Variants in PKD1L1 observed in about 807,000 individuals in gnomAD.
PKD1L1 encodes the protein polycystin-1-like protein 1.
PKD1L1 carries 236 observed loss-of-function variants against 323.4 expected under a neutral mutation model. The observed-to-expected ratio is 0.73, with a 90% CI of 0.66 to 0.81. PKD1L1 has a LOEUF of 0.81. PKD1L1 is among the 40% of genes least tolerant of loss of function. PKD1L1 has a pLI of 0.00. For synonymous variants in PKD1L1, 1,344 were observed against 1,335.0 expected, an observed-to-expected ratio of 1.01 and a Z score of -0.15; for missense variants, 3,320 against 3,508.0, an observed-to-expected ratio of 0.95 and a Z score of 1.35.
upstream of PKD1L1, among the ~76,000 whole-genome samples, chr7:47,949,145 C>T (rs943919755): frequency 4.6e-5 from 7 of 150,828 alleles, no homozygotes; most frequent in Admixed American, 1.3e-4. Context: ...TCGAGGTGGG[C>T]GGATCACGAG....
In PKD1L1 at chr7:47,837,065, C is replaced by T. The variant is rs1785474405; in HGVS notation, c.5799G>A (p.Leu1933=). 1 of 1,614,188 alleles carries T rather than the reference C, an allele frequency of 6.2e-7. No homozygotes were observed. The change falls in exon 37 of 57, where the codon CTG becomes CTA. Residue 1933 remains leucine (L), a synonymous_variant. Coordinates refer to ENST00000289672, the MANE Select transcript of PKD1L1 (RefSeq NM_138295.5). Reference sequence around the variant, plus strand: ...CCGACAGCCAGACATGGAAATCCTCCAGGTACTCTGTGAACTTGCAATAGA... The same window carrying T: ...CCGACAGCCAGACATGGAAATCCTCTAGGTACTCTGTGAACTTGCAATAGA... ...KLFYCKFTEY[L]EDFHVWLSVY... is the part of the protein sequence containing the mutation.
At chr7:47,955,662 C>T in the PKD1L1 span, among the ~76,000 whole-genome samples, 1 of 152,130 alleles carries the variant, frequency 6.6e-6, no homozygotes, top group Non-Finnish European at 1.5e-5. Flanking sequence ...TAGAATATTT[C>T]GTGTTTTTCC....
Position 47,931,970 on chromosome 7 carries a change from C to A in PKD1L1, c.485G>T (p.Gly162Val). Residue 162 changes from glycine (G) to valine (V), a missense_variant, in exon 5 of 57, where the codon GGG (glycine) becomes GTG (valine). Transcript: ENST00000289672. ...AGCAGAGAATGTGCTGTCTGCGGTC[C>A]CAGTAGCACACAGCCGCCTGTGATG... is the stretch of plus-strand genomic sequence containing the variant. ...RFHHRRLCAT[G>V]TADSTFSALL... The A allele has an allele frequency of 6.2e-7, 1 of 1,613,924 alleles. No individual in the cohort carries two copies. The highest frequency in any genetic ancestry group is 8.5e-7 in the Non-Finnish European group (1 of 1,179,878).
chr7:47,955,497 AT>A, the PKD1L1 span, among the ~76,000 whole-genome samples: 2 of 152,198 alleles, frequency 1.3e-5, no homozygotes, highest in Non-Finnish European at 2.9e-5. Context: ...TACCTTCCTG[AT>A]CTTTTTCTAT....
At chr7:47,790,868 C>T (rs934444617) in intron 56 of PKD1L1, among the ~76,000 whole-genome samples, 5 of 151,804 alleles carry the variant, frequency 3.3e-5, no homozygotes, top group East Asian at 1.9e-4. Flanking sequence ...GTAATCTTTC[C>T]GTCTCAGCCT....
rs1469032271 is a variant in PKD1L1 at position 47,857,627 on chromosome 7, G to A, written c.4568C>T (p.Pro1523Leu). 1 of 1,614,178 alleles carries A rather than the reference G, an allele frequency of 6.2e-7. No individual in the cohort carries two copies. The change falls in exon 28 of 57, where the codon CCA becomes CTA. Residue 1523 changes from proline to leucine, a missense_variant. By Grantham distance (98) the Pro-to-Leu change is moderately conservative. Coordinates refer to ENST00000289672, the MANE Select transcript of PKD1L1 (RefSeq NM_138295.5). ...QLILFKKNPY[P>L]GSQAPGQIGG... Reference sequence around the variant, plus strand: ...TACCTGCCCAGGAGCTTGGCTCCCTGGATATGGGTTCTTCTTGAAGAGTAT... The same window carrying A: ...TACCTGCCCAGGAGCTTGGCTCCCTAGATATGGGTTCTTCTTGAAGAGTAT...
chr7:47,957,862 A>ATATAT, the PKD1L1 span, among the ~76,000 whole-genome samples: 2 of 134,666 alleles, frequency 1.5e-5, no homozygotes, highest in Non-Finnish European at 3.2e-5. Flanking sequence ...ATTAAAAAAA[A>ATATAT]ATATATATAT....
chr7:47,800,533 A>C (rs1784637111), intron 54 of PKD1L1, 116 bp downstream of exon 54: 9 of 1,054,052 alleles, frequency 8.5e-6, no homozygotes, highest in Non-Finnish European at 1.1e-5. Flanking sequence ...GGGATTCATT[A>C]CCATGAGATC....
At chr7:47,894,949 T>C (rs1786904989) in intron 14 of PKD1L1, among the ~76,000 whole-genome samples, 1 of 152,180 alleles carries the variant, frequency 6.6e-6, no homozygotes, top group African/African-American at 2.4e-5. Flanking sequence ...CTAGATTTTC[T>C]TCAGATGCAC....
chr7:47,778,059 C>T (rs1329095471), intron 56 of PKD1L1, among the ~76,000 whole-genome samples: 2 of 152,146 alleles, frequency 1.3e-5, no homozygotes, highest in African/African-American at 4.8e-5. Context: ...ACAAATTTTT[C>T]CTAATCATGG....
At chr7:47,828,180 G>T (rs1444400758) in intron 44 of PKD1L1, among the ~76,000 whole-genome samples, 1 of 152,144 alleles carries the variant, frequency 6.6e-6, no homozygotes, top group Admixed American at 6.5e-5. Context: ...AGATCCGTGG[G>T]GAGGCTTGGG....
intron 7 of PKD1L1, among the ~76,000 whole-genome samples, chr7:47,928,619 C>A (rs1475823758): frequency 6.6e-6 from 1 of 152,170 alleles, no homozygotes; most frequent in African/African-American, 2.4e-5. Context: ...AAAATTAAAT[C>A]CTATCCGTAA....
chr7:47,860,797 G>A (rs1583627149), intron 26 of PKD1L1, among the ~76,000 whole-genome samples: 1 of 110,232 alleles, frequency 9.1e-6, no homozygotes, highest in Non-Finnish European at 1.9e-5. Flanking sequence ...AGACCCTGGG[G>A]TTCAGAGATG....
rs1235847587 is a variant in PKD1L1, at chr7:47,936,940, T to C, written c.304A>G (p.Ser102Gly). The change falls in exon 4 of 57, where the codon AGT (serine) becomes GGT (glycine). Residue 102 changes from serine to glycine, a missense_variant. Coordinates refer to ENST00000289672, the MANE Select transcript of PKD1L1 (RefSeq NM_138295.5). Reference protein sequence around the residue: ...SRQKNIWKTTSEAALSVVNEK... With the variant: ...SRQKNIWKTTGEAALSVVNEK... ...TTAACAACACTTAACGCTGCTTCACTAGTTGTTTTCCAAATGTTCTGTAAG... is the reference window on the plus strand; with the variant it reads ...TTAACAACACTTAACGCTGCTTCACCAGTTGTTTTCCAAATGTTCTGTAAG... The C allele has an allele frequency of 6.2e-7, 1 of 1,610,292 alleles. No individual in the cohort carries two copies. Among genetic ancestry groups the C allele is most frequent in the African/African-American group, 1.3e-5 (1 of 74,812 alleles).
At chr7:47,850,343 A>C (rs1275559642) in intron 31 of PKD1L1, among the ~76,000 whole-genome samples, 1 of 152,220 alleles carries the variant, frequency 6.6e-6, no homozygotes, top group Non-Finnish European at 1.5e-5. Flanking sequence ...TTAATGTTAA[A>C]AAATGGGGAC....
At chr7:47,843,334 GGAGCTGGCCTGTGGTCCAGT>G (rs1316083187) in intron 33 of PKD1L1, among the ~76,000 whole-genome samples, 165 bp from the exon 34 acceptor site, 1 of 152,154 alleles carries the variant, frequency 6.6e-6, no homozygotes, top group Non-Finnish European at 1.5e-5. Context: ...TTGAAGGCAG[GGAGCTGGCCTGTGGTCCAGT>G]GAGCAGCACC....
In PKD1L1 at chr7:47,904,502, G is replaced by T. The variant is rs967428552; in HGVS notation, c.1807C>A (p.Leu603Met). The T allele has an allele frequency of 4.3e-6, 7 of 1,614,178 alleles. No homozygotes were observed. The highest frequency in any genetic ancestry group is 5.1e-6 in the Non-Finnish European group (6 of 1,180,042). Residue 603 changes from leucine to methionine, a missense_variant, in exon 12 of 57, where the codon CTG becomes ATG. Transcript: ENST00000289672. ...ANRLTSPSSA[L>M]VNASVAFECW... Reference sequence around the variant, plus strand: ...TCAAAGGCCACACTGGCATTTACCAGAGCTGAGGAGGGGGACGTGAGCCGA... The same window carrying T: ...TCAAAGGCCACACTGGCATTTACCATAGCTGAGGAGGGGGACGTGAGCCGA...
intron 7 of PKD1L1, among the ~76,000 whole-genome samples, chr7:47,922,728 C>T (rs939377435): frequency 2.7e-4 from 37 of 136,648 alleles, no homozygotes; most frequent in Middle Eastern, 3.3e-3. Context: ...CCGCCCCGTC[C>T]GGCCAGCCGC....
In PKD1L1 at chr7:47,948,451, A is replaced by G. The variant is rs1386706126; in HGVS notation, c.-11T>C. ...TGCCTCCTCGGCCATGTCCTGTGCA[A>G]GCTGGTCACAAGTATGACAGTCAGC... On this transcript the variant is annotated 5_prime_UTR_variant, in exon 1 of 57. Transcript: ENST00000289672. 1 of 1,614,032 alleles carries G rather than the reference A, an allele frequency of 6.2e-7. No homozygotes were observed. Among genetic ancestry groups the G allele is most frequent in the East Asian group, 2.2e-5 (1 of 44,888 alleles).
Sources: allele counts gnomAD v4.1 joint callset (sites outside exome capture counted in the v4.1 genomes callset), GRCh38; gene constraint gnomAD v4.1.1; transcripts MANE v1.5; gene names NCBI Gene and HGNC (gene_info 2026-07-23, HGNC 2026-07-21).